Variants in IL1RL2 observed in about 807,000 individuals in gnomAD.
IL1RL2 encodes the protein interleukin-1 receptor-like 2.
In IL1RL2, 68 loss-of-function variants were observed where a neutral mutation model predicts 66.8. The ratio of observed to expected loss-of-function variants is 1.02; its 90% CI spans 0.84 to 1.25. IL1RL2 has a LOEUF of 1.25. Ranked by LOEUF, IL1RL2 falls within the 50% of genes most tolerant of loss-of-function variation. The pLI, the probability that IL1RL2 is intolerant of heterozygous loss-of-function variation, is 0.00. For missense variants in IL1RL2, 729 were observed against 709.3 expected (o/e 1.03, Z -0.32); for synonymous variants, 305 against 264.6 (o/e 1.15, Z -1.48).
intron 11 of IL1RL2, among the ~76,000 whole-genome samples, chr2:102,237,377 C>T (rs1674977516): frequency 6.6e-6 from 1 of 152,214 alleles, no homozygotes; most frequent in Non-Finnish European, 1.5e-5. Context: ...GGTTTCCTGG[C>T]GTGGCCTGGT....
intron 5 of IL1RL2, among the ~76,000 whole-genome samples, chr2:102,206,733 C>T (rs1688737096): frequency 6.6e-6 from 1 of 152,188 alleles, no homozygotes; most frequent in Non-Finnish European, 1.5e-5. Context: ...CACTCCCTGG[C>T]TACTGCTTAT....
In IL1RL2 at chr2:102,219,891, T is replaced by TATATATAA. The variant is rs1397731631; in HGVS notation, c.865_866insATATATAA (p.Ser289TyrfsTer3). The TATATATAA allele has an allele frequency of 1.2e-6, 2 of 1,608,688 alleles. No individual in the cohort carries two copies. Among genetic ancestry groups the TATATATAA allele is most frequent in the Non-Finnish European group, 1.7e-6 (2 of 1,175,442 alleles). On this transcript the variant is annotated stop_gained and frameshift_variant, in exon 8 of 12. Coordinates refer to ENST00000264257, the MANE Select transcript of IL1RL2 (RefSeq NM_003854.4). LOFTEE classifies it high-confidence loss of function. ...TCTTTTCTTTTATAGAACCCATGTC[T>TATATATAA]CTTTTCGGGAACATAATTTGTACAC...
At chr2:102,203,460 A>T (rs1688443447) in intron 5 of IL1RL2, among the ~76,000 whole-genome samples, 1 of 151,724 alleles carries the variant, frequency 6.6e-6, no homozygotes, top group Non-Finnish European at 1.5e-5. Context: ...TTTGAGCAGG[A>T]TTGGTATTAG....
intron 5 of IL1RL2, among the ~76,000 whole-genome samples, chr2:102,209,391 C>T (rs188310103): frequency 9.2e-5 from 14 of 152,138 alleles, no homozygotes; most frequent in Admixed American, 2.6e-4. Context: ...GGAAGGCTTC[C>T]AAGAGGAAAG....
At position 102,235,039 on chromosome 2, in the gene IL1RL2, G is replaced by C. The variant is rs1432938164; in HGVS notation, c.1440G>C (p.Gly480=). Residue 480 remains glycine, a synonymous_variant, in exon 11 of 12, where the codon GGG becomes GGC. Coordinates refer to ENST00000264257, the MANE Select transcript of IL1RL2 (RefSeq NM_003854.4). ...IAVYSALIQD[G]MKVILIELEK... ...TCTACAGTGCCCTGATCCAGGACGG[G>C]ATGAAGGTTATTCTCATTGAGCTGG... 4 of 1,614,052 alleles carry C rather than the reference G, an allele frequency of 2.5e-6. No individual in the cohort carries two copies. The highest frequency in any genetic ancestry group is 2.5e-6 in the Non-Finnish European group (3 of 1,180,042).
At chr2:102,240,583 A>AT (rs1409165982), downstream of IL1RL2, among the ~76,000 whole-genome samples, 1 of 151,998 alleles carries the variant, frequency 6.6e-6, no homozygotes, top group Non-Finnish European at 1.5e-5. Context: ...GTCTAGCTCA[A>AT]TTTTTCAAAA....
At chr2:102,223,878 T>A (rs1023412007) in intron 8 of IL1RL2, among the ~76,000 whole-genome samples, 2 of 152,178 alleles carry the variant, frequency 1.3e-5, no homozygotes, top group Non-Finnish European at 2.9e-5. Context: ...AGGAAGGATC[T>A]GTCTTATGAT....
Position 102,233,120 on chromosome 2 carries a change from A to G in IL1RL2, c.1293A>G (p.Gly431=), listed in dbSNP as rs1691287812. 2 of 1,610,806 alleles carry G rather than the reference A, an allele frequency of 1.2e-6. No individual in the cohort carries two copies. The highest frequency in any genetic ancestry group is 1.1e-5 in the South Asian group (1 of 90,966). Residue 431 remains glycine (G), a synonymous_variant, in exon 10 of 12, where the codon GGA becomes GGG. Coordinates refer to ENST00000264257, the MANE Select transcript of IL1RL2 (RefSeq NM_003854.4). ...TATTCGGCAGAGATGAATTCCCTGG[A>G]CAAGGTGGGTTTTAAGTGAGGTGTA... The part of the protein sequence containing the change: ...LFIFGRDEFP[G]QAVANVIDEN...
Position 102,201,484 on chromosome 2 carries a change from T to A in IL1RL2, c.490-72T>A, listed in dbSNP as rs1165834967. 4 of 1,417,184 alleles carry A rather than the reference T, an allele frequency of 2.8e-6. No individual in the cohort carries two copies. The African/African-American group carries it at 4.2e-5, about 15-fold the overall frequency. The allele number at this position is 1,417,184 out of a possible 1,614,324, so 87.8% of individuals were successfully genotyped here. A position where few individuals can be genotyped will look rare whatever the true frequency, so the allele number is the denominator to read the frequency against. The stretch of plus-strand genomic sequence containing the variant: ...TGTTGTCTTCCAGTTAGACTGTAAA[T>A]TACCTAAATACTAGGGATCACACAG... On this transcript the variant is annotated intron_variant, in intron 4 of 11. Coordinates refer to ENST00000264257, the MANE Select transcript of IL1RL2 (RefSeq NM_003854.4).
chr2:102,228,566 C>T lies in IL1RL2; in HGVS notation c.1135+2525C>T, dbSNP rs757226593. ...GTACGAGGATGGAAGGGTCTGTGCA[C>T]GGATCTCCTAGAGAGATTTGAAAAT... On this transcript the variant is annotated intron_variant, in intron 9 of 11. Coordinates refer to ENST00000264257, the MANE Select transcript of IL1RL2 (RefSeq NM_003854.4). 5.3e-5 allele frequency among the ~76,000 whole-genome samples: 8 copies of T among 152,232 alleles called. No individual in the cohort carries two copies. The East Asian group carries it at 1.2e-3, about 22-fold the overall frequency.
At chr2:102,206,485 G>A (rs1328502642) in intron 5 of IL1RL2, among the ~76,000 whole-genome samples, 1 of 152,190 alleles carries the variant, frequency 6.6e-6, no homozygotes, top group Non-Finnish European at 1.5e-5. Flanking sequence ...TTGCAGACCT[G>A]TAGAGGTACC....
intron 4 of IL1RL2, among the ~76,000 whole-genome samples, chr2:102,194,028 A>G (rs1001141912): frequency 1.3e-5 from 2 of 152,314 alleles, no homozygotes; most frequent in East Asian, 3.9e-4. Flanking sequence ...TTGTTGGATT[A>G]TCAGAAAGTG....
At chr2:102,232,834 C>A (rs36114582) in intron 9 of IL1RL2, 129 bp from the exon 10 acceptor site, 4 of 989,548 alleles carry the variant, frequency 4.0e-6, no homozygotes, top group Non-Finnish European at 5.9e-6. Flanking sequence ...ACCAAGTCAG[C>A]CAACTGGGCA....
chr2:102,227,696 C>A (rs996206867), intron 9 of IL1RL2, among the ~76,000 whole-genome samples: 1 of 152,142 alleles, frequency 6.6e-6, no homozygotes, highest in African/African-American at 2.4e-5. Context: ...TGATTGTTTT[C>A]TGACACAGAG....
intron 11 of IL1RL2, among the ~76,000 whole-genome samples, chr2:102,238,500 C>A (rs1336691645): frequency 2.0e-5 from 3 of 152,190 alleles, no homozygotes; most frequent in African/African-American, 7.2e-5. Flanking sequence ...CCCCCCACAC[C>A]CATCAGCACC....
At chr2:102,232,730 C>G (rs1421726893) in intron 9 of IL1RL2, among the ~76,000 whole-genome samples, 2 of 152,156 alleles carry the variant, frequency 1.3e-5, no homozygotes, top group East Asian at 3.9e-4. Flanking sequence ...GCAGCCTACC[C>G]AGCCTCAGCT....
chr2:102,194,881 G>C (rs1246198249), intron 4 of IL1RL2, among the ~76,000 whole-genome samples: 1 of 151,824 alleles, frequency 6.6e-6, no homozygotes, highest in Non-Finnish European at 1.5e-5. Context: ...CTGAGTGGCT[G>C]CGGGTTACCT....
At chr2:102,203,444 G>T (rs1457087251) in intron 5 of IL1RL2, among the ~76,000 whole-genome samples, 2 of 150,546 alleles carry the variant, frequency 1.3e-5, no homozygotes, top group African/African-American at 4.9e-5. Flanking sequence ...CTATTTTTTT[G>T]AATAGTTTGA....
chr2:102,208,477 C>T (rs1458755199), intron 5 of IL1RL2, among the ~76,000 whole-genome samples: 1 of 152,228 alleles, frequency 6.6e-6, no homozygotes, highest in African/African-American at 2.4e-5. Flanking sequence ...GCTGTGGTGG[C>T]TTTTGCTCTT....
Sources: allele counts gnomAD v4.1 joint callset (sites outside exome capture counted in the v4.1 genomes callset), GRCh38; gene constraint gnomAD v4.1.1; transcripts MANE v1.5; gene names NCBI Gene and HGNC (gene_info 2026-07-23, HGNC 2026-07-21).